TTC29: variants seen among roughly 807,000 people sequenced by gnomAD.
TTC29 encodes tetratricopeptide repeat domain 29, also known as tetratricopeptide repeat protein 29.
Under a neutral mutation model 58.1 loss-of-function variants are expected in TTC29, and 49 were observed. The ratio of observed to expected loss-of-function variants is 0.84; its 90% confidence interval spans 0.67 to 1.07. The LOEUF is 1.07. TTC29 is among the 50% of genes least tolerant of loss of function. The probability of loss-of-function intolerance (pLI) is 0.00; values close to 1 mark genes in which losing one functional copy is unlikely to be tolerated. For synonymous variants in TTC29, 209 were observed against 196.8 expected (o/e 1.06, Z -0.52); for missense variants, 582 against 555.6 (o/e 1.05, Z -0.48).
Position 146,769,246 on chromosome 4 carries a change from T to C in TTC29, c.1330+34211A>G, listed in dbSNP as rs144251974. 3.9e-3 allele frequency among the ~76,000 whole-genome samples: 591 copies of C among 152,116 alleles called. 7 individuals carry two copies. Among genetic ancestry groups the C allele is most frequent in the African/African-American group, 0.013 (544 of 41,542 alleles). ...ATAAGACATTAAAATGTCAATCTTT[T>C]GCTGTAGTGATTGCGAATATTTTTG... On this transcript the variant is annotated intron_variant, in intron 11 of 12. Transcript: ENST00000325106.
chr4:146,714,190 G>T (rs1376002679), intron 11 of TTC29, among the ~76,000 whole-genome samples: 2 of 152,064 alleles, frequency 1.3e-5, no homozygotes, highest in African/African-American at 2.4e-5. Context: ...ATGCAAAAAG[G>T]CACAATGTGG....
At chr4:146,901,811 A>G (rs1374731859) in intron 6 of TTC29, among the ~76,000 whole-genome samples, 2 of 152,202 alleles carry the variant, frequency 1.3e-5, no homozygotes, top group African/African-American at 4.8e-5. Context: ...CTTAACACTG[A>G]CTTAATATTA....
chr4:146,885,229 G>A (rs1007881758), intron 6 of TTC29, among the ~76,000 whole-genome samples: 2 of 151,808 alleles, frequency 1.3e-5, no homozygotes, highest in Non-Finnish European at 2.9e-5. Flanking sequence ...TTTTGAAAAT[G>A]TAATGCAATA....
intron 8 of TTC29, among the ~76,000 whole-genome samples, chr4:146,838,693 A>T (rs961926563): frequency 2.0e-5 from 3 of 151,914 alleles, no homozygotes; most frequent in African/African-American, 7.2e-5. Context: ...CTTAATGCGA[A>T]TTTTTTTCAA....
At chr4:146,755,283 A>G (rs756439802) in intron 11 of TTC29, among the ~76,000 whole-genome samples, 15 of 152,318 alleles carry the variant, frequency 9.8e-5, no homozygotes, top group Admixed American at 3.3e-4. Context: ...ATATTGTTAA[A>G]ATGTCCATAC....
chr4:146,934,564 G>C (rs756370343), intron 4 of TTC29, among the ~76,000 whole-genome samples: 1 of 152,180 alleles, frequency 6.6e-6, no homozygotes, highest in African/African-American at 2.4e-5. Context: ...TTGAGTAGCC[G>C]TTGGGTTATT....
At chr4:146,927,456 T>A (rs1490215395) in intron 4 of TTC29, among the ~76,000 whole-genome samples, 2 of 152,060 alleles carry the variant, frequency 1.3e-5, no homozygotes, top group Non-Finnish European at 2.9e-5. Context: ...TTCTATCCTA[T>A]TTGTCTACAC....
chr4:146,799,576 T>C (rs1320337006), intron 11 of TTC29, among the ~76,000 whole-genome samples: 1 of 152,184 alleles, frequency 6.6e-6, no homozygotes, highest in Non-Finnish European at 1.5e-5. Flanking sequence ...TCGTTGCCAG[T>C]CAAGGAAACC....
intron 8 of TTC29, among the ~76,000 whole-genome samples, chr4:146,853,076 T>C (rs987808271): frequency 2.0e-5 from 3 of 152,142 alleles, no homozygotes; most frequent in Non-Finnish European, 4.4e-5. Flanking sequence ...GTAAAACCTA[T>C]TAAAAACATT....
chr4:146,863,202 C>T (rs187885231), intron 8 of TTC29, among the ~76,000 whole-genome samples: 15 of 151,902 alleles, frequency 9.9e-5, no homozygotes, highest in East Asian at 3.9e-4. Flanking sequence ...AGAGTTCTCT[C>T]GTTCCAGCCC....
chr4:146,825,607 G>A (rs1727735850), intron 9 of TTC29, among the ~76,000 whole-genome samples: 2 of 152,154 alleles, frequency 1.3e-5, no homozygotes, highest in African/African-American at 4.8e-5. Flanking sequence ...TTCTGTAGCT[G>A]TCTACTAGGT....
At chr4:146,758,309 C>T (rs1746609558) in intron 11 of TTC29, among the ~76,000 whole-genome samples, 1 of 152,076 alleles carries the variant, frequency 6.6e-6, no homozygotes, top group Non-Finnish European at 1.5e-5. Flanking sequence ...AACATATATG[C>T]ACCTAACACT....
intron 11 of TTC29, among the ~76,000 whole-genome samples, chr4:146,795,901 C>CCA (rs1193552989): frequency 6.6e-6 from 1 of 152,096 alleles, no homozygotes; most frequent in Non-Finnish European, 1.5e-5. Context: ...TGGCCACAGG[C>CCA]CAAATGACAT....
intron 11 of TTC29, among the ~76,000 whole-genome samples, chr4:146,711,140 T>C (rs185525913): frequency 5.6e-4 from 86 of 152,252 alleles, no homozygotes; most frequent in African/African-American, 1.9e-3. Flanking sequence ...AAAGGTTGTG[T>C]CAGAGTTTAT....
intron 11 of TTC29, among the ~76,000 whole-genome samples, chr4:146,723,959 G>C (rs1412722217): frequency 6.6e-6 from 1 of 152,138 alleles, no homozygotes; most frequent in Non-Finnish European, 1.5e-5. Context: ...GAATACCAAA[G>C]ACATGGAGCC....
intron 8 of TTC29, among the ~76,000 whole-genome samples, chr4:146,853,073 C>A (rs1579831790): frequency 6.6e-6 from 1 of 151,934 alleles, no homozygotes; most frequent in South Asian, 2.1e-4. Flanking sequence ...TATGTAAAAC[C>A]TATTAAAAAC....
At chr4:146,723,029 C>G (rs1029584057) in intron 11 of TTC29, among the ~76,000 whole-genome samples, 2 of 152,070 alleles carry the variant, frequency 1.3e-5, no homozygotes, top group Admixed American at 6.6e-5. Flanking sequence ...GGCAGATCAC[C>G]TGAGGTCAGG....
Position 146,867,563 on chromosome 4 carries a change from C to A in TTC29, c.820G>T (p.Ala274Ser). 6.5e-7 allele frequency: 1 copy of A among 1,533,032 alleles called. No homozygotes were observed. Among genetic ancestry groups the A allele is most frequent in the Non-Finnish European group, 8.8e-7 (1 of 1,136,724 alleles). 95.0% of individuals were successfully genotyped at this position (1,533,032 alleles called of 1,614,324 possible). A position where few individuals can be genotyped will look rare whatever the true frequency, so the allele number is the denominator to read the frequency against. Residue 274 changes from alanine (A) to serine (S), a missense_variant, in exon 8 of 13, where the codon GCG (alanine) becomes TCG (serine). Ala to Ser is a moderately conservative substitution (Grantham distance 99). Transcript: ENST00000325106. Reference sequence around the variant, plus strand: ...AAGCCCAAGTAGTAAGAGGCTTCCGCTTCCATCTTTTTGTCACTTCCTGAA... The same window carrying A: ...AAGCCCAAGTAGTAAGAGGCTTCCGATTCCATCTTTTTGTCACTTCCTGAA... ...AKEGSDKKME[A>S]EASYYLGLAH...
At chr4:146,728,591 G>A (rs1358738907) in intron 11 of TTC29, among the ~76,000 whole-genome samples, 1 of 150,554 alleles carries the variant, frequency 6.6e-6, no homozygotes, top group East Asian at 2.0e-4. Context: ...ATGATGGAAT[G>A]GGGCCAATTT....
Sources: gnomAD v4.1 joint callset for allele counts (sites outside exome capture counted in the v4.1 genomes callset) on GRCh38, gnomAD v4.1.1 for gene constraint, MANE v1.5 for transcripts, NCBI Gene and HGNC (gene_info 2026-07-23, HGNC 2026-07-21) for gene names.